Variants in MIB1 observed in about 807,000 individuals in gnomAD.
The protein encoded by MIB1 is E3 ubiquitin-protein ligase MIB1.
In MIB1, 278 loss-of-function variants were observed where a neutral mutation model predicts 124.5. That is an observed-to-expected ratio of 2.23 (90% CI 2.02 to 2.47). The LOEUF is 2.47. MIB1 is among the 30% of genes most tolerant of loss of function. The pLI, the probability that MIB1 is intolerant of heterozygous loss-of-function variation, is 0.00. For synonymous variants in MIB1, 446 were observed against 429.4 expected (o/e 1.04, Z -0.48); for missense variants, 957 against 1,254.4 (o/e 0.76, Z 3.58).
intron 10 of MIB1, among the ~76,000 whole-genome samples, chr18:21,814,727 C>A (rs2041809285): frequency 6.6e-6 from 1 of 151,804 alleles, no homozygotes. Flanking sequence ...GCATGTGCCA[C>A]CATGTCTGGC....
chr18:21,741,587 AG>A lies in MIB1; in HGVS notation c.5del (p.Ser2IlefsTer8). The A allele has an allele frequency of 6.6e-7, 1 of 1,509,692 alleles. No individual in the cohort carries two copies. The highest frequency in any genetic ancestry group is 8.8e-7 in the Non-Finnish European group (1 of 1,132,220). 93.5% of individuals were successfully genotyped at this position (1,509,692 alleles called of 1,614,324 possible). M[S>X]NSRNNRVMVE... ...GGAGCCCACCGCCCGGGCCCCGATG[AG>A]TAACTCCCGGAATAACCGGGTGATG... On this transcript the variant is annotated frameshift_variant, in exon 1 of 21. Transcript: ENST00000261537. LOFTEE classifies it high-confidence loss of function. The surrounding 1 kb of genome is among the most constrained non-coding windows in gnomAD (Gnocchi z 5.4).
chr18:21,864,211 A>G lies in MIB1; in HGVS notation c.2881-315A>G, dbSNP rs368234256. On this transcript the variant is annotated intron_variant, in intron 20 of 20. Transcript: ENST00000261537. ...CTGCAATCTCTGCTGCCCGCGTTCAAGTGATTCTCGCGCCTCAGCCTCTTG... is the reference window on the plus strand; with the variant it reads ...CTGCAATCTCTGCTGCCCGCGTTCAGGTGATTCTCGCGCCTCAGCCTCTTG... Among the ~76,000 whole-genome samples, 7 of 152,124 alleles carry G rather than the reference A, an allele frequency of 4.6e-5. No individual in the cohort carries two copies. In the South Asian group the frequency reaches 6.3e-4, roughly 14 times the overall value.
intron 10 of MIB1, among the ~76,000 whole-genome samples, chr18:21,811,128 G>A (rs533798837): frequency 5.9e-5 from 9 of 152,170 alleles, no homozygotes; most frequent in Non-Finnish European, 1.2e-4. Context: ...GATGTTTAAC[G>A]TCACTAATTA....
intron 1 of MIB1, among the ~76,000 whole-genome samples, chr18:21,707,805 A>G (rs1236031250): frequency 6.6e-6 from 1 of 152,216 alleles, no homozygotes; most frequent in African/African-American, 2.4e-5. Flanking sequence ...AAGTGAAAGT[A>G]TTATCGAATA....
chr18:21,767,146 A>G (rs2041170895), intron 2 of MIB1, among the ~76,000 whole-genome samples: 1 of 152,152 alleles, frequency 6.6e-6, no homozygotes, highest in South Asian at 2.1e-4. Context: ...ACATATATTA[A>G]TCCCTTTTCA....
Position 21,869,294 on chromosome 18 carries a change from A to G in MIB1, c.*4628A>G, listed in dbSNP as rs2042340424. The G allele has an allele frequency of 6.6e-6, 1 of 152,456 alleles. No homozygotes were observed. Among genetic ancestry groups the G allele is most frequent in the South Asian group, 2.1e-4 (1 of 4,826 alleles). The allele number at this position is 152,456 out of a possible 1,614,324, so 9.4% of individuals were successfully genotyped here. A position where few individuals can be genotyped will look rare whatever the true frequency, so the allele number is the denominator to read the frequency against. On this transcript the variant is annotated 3_prime_UTR_variant, in exon 21 of 21. Coordinates refer to ENST00000261537, the MANE Select transcript of MIB1 (RefSeq NM_020774.4). ...AAATGGTCCTGTAATTTTTAAAGTA[A>G]AATAAACGTGCCATTTTGTCTGCAA...
At chr18:21,823,249 G>T (rs2041895254) in intron 12 of MIB1, among the ~76,000 whole-genome samples, 1 of 123,602 alleles carries the variant, frequency 8.1e-6, no homozygotes, top group African/African-American at 3.0e-5. Flanking sequence ...AAAAAAAAAA[G>T]AATCAGCTGG....
At chr18:21,735,339 G>A (rs1239517501) in intron 1 of MIB1, among the ~76,000 whole-genome samples, 1 of 152,194 alleles carries the variant, frequency 6.6e-6, no homozygotes, top group Admixed American at 6.5e-5. Context: ...CTCCGGATCA[G>A]ATACTGTGCT....
At chr18:21,776,785 A>ACCAGCCTGG (rs2041293417) in intron 4 of MIB1, among the ~76,000 whole-genome samples, 1 of 152,060 alleles carries the variant, frequency 6.6e-6, no homozygotes, top group Non-Finnish European at 1.5e-5. Flanking sequence ...GGCGTTCGAG[A>ACCAGCCTGG]CCAGCCTGGC....
chr18:21,805,197 GAC>G (rs1332004325), intron 10 of MIB1, among the ~76,000 whole-genome samples: 2 of 151,978 alleles, frequency 1.3e-5, no homozygotes, highest in Non-Finnish European at 2.9e-5. Context: ...ATTTTTAGTA[GAC>G]ACAGGGTTTT....
Position 21,844,206 on chromosome 18 carries a change from CA to C in MIB1, c.2166del (p.Asp723MetfsTer16). ...TCAGCTACGTCAGCTCCAAGATATG[CA>C]AGATGTGGGGAAGGTGGATGCTGCC... ...LSQLRQLQDM[Q>X]DVGKVDAAWE... On this transcript the variant is annotated frameshift_variant, in exon 15 of 21. Transcript: ENST00000261537. LOFTEE classifies it high-confidence loss of function. 1 of 1,614,098 alleles carries C rather than the reference CA, an allele frequency of 6.2e-7. No homozygotes were observed. Among genetic ancestry groups the C allele is most frequent in the South Asian group, 1.1e-5 (1 of 91,074 alleles).
intron 12 of MIB1, chr18:21,830,789 C>T (rs2041971787): frequency 6.6e-6 from 1 of 152,176 alleles, no homozygotes; most frequent in Non-Finnish European, 1.5e-5. Flanking sequence ...GAACACAGAA[C>T]CTCACCTTTT....
At chr18:21,861,048 G>C (rs1598647549) in intron 20 of MIB1, among the ~76,000 whole-genome samples, 2 of 152,176 alleles carry the variant, frequency 1.3e-5, no homozygotes, top group South Asian at 4.2e-4. Flanking sequence ...CTTTGTAGGG[G>C]GTGGAGGGAA....
chr18:21,721,902 G>A (rs865959584), intron 1 of MIB1, among the ~76,000 whole-genome samples: 3 of 152,252 alleles, frequency 2.0e-5, no homozygotes, highest in African/African-American at 7.2e-5. Flanking sequence ...AACTAACACT[G>A]ATACATTACT....
chr18:21,739,846 C>T (rs561570159), upstream of MIB1, among the ~76,000 whole-genome samples: 1 of 151,004 alleles, frequency 6.6e-6, no homozygotes, highest in Non-Finnish European at 1.5e-5. Context: ...ACCCAGGAGG[C>T]GGAGGTTGCG....
Position 21,741,588 on chromosome 18 carries a change from G to A in MIB1, c.5G>A (p.Ser2Asn), listed in dbSNP as rs1253656913. Residue 2 changes from serine (S) to asparagine (N), a missense_variant, in exon 1 of 21, where the codon AGT (serine) becomes AAT (asparagine). Coordinates refer to ENST00000261537, the MANE Select transcript of MIB1 (RefSeq NM_020774.4). This position sits in a 1 kb window ranked among gnomAD's most constrained non-coding sequence, Gnocchi z 5.4. Reference sequence around the variant, plus strand: ...GAGCCCACCGCCCGGGCCCCGATGAGTAACTCCCGGAATAACCGGGTGATG... The same window carrying A: ...GAGCCCACCGCCCGGGCCCCGATGAATAACTCCCGGAATAACCGGGTGATG... The part of the protein sequence containing the change: M[S>N]NSRNNRVMVE... 2.0e-6 allele frequency: 3 copies of A among 1,521,550 alleles called. No homozygotes were observed. The highest frequency in any genetic ancestry group is 2.6e-5 in the East Asian group (1 of 37,838). The allele number at this position is 1,521,550 out of a possible 1,614,324, so 94.3% of individuals were successfully genotyped here. A position where few individuals can be genotyped will look rare whatever the true frequency, so the allele number is the denominator to read the frequency against.
intron 1 of MIB1, among the ~76,000 whole-genome samples, chr18:21,726,107 T>C (rs561154739): frequency 6.6e-6 from 1 of 152,146 alleles, no homozygotes; most frequent in African/African-American, 2.4e-5. Context: ...AGGCTGGGAA[T>C]GGGGGCTCAC....
chr18:21,758,053 T>A (rs1270506502), intron 1 of MIB1, among the ~76,000 whole-genome samples: 1 of 152,202 alleles, frequency 6.6e-6, no homozygotes, highest in African/African-American at 2.4e-5. Context: ...GTTGTGTGAC[T>A]TCAGGCAGGT....
At chr18:21,863,997 T>C (rs1259871128) in intron 20 of MIB1, among the ~76,000 whole-genome samples, 1 of 151,660 alleles carries the variant, frequency 6.6e-6, no homozygotes, top group Non-Finnish European at 1.5e-5. Context: ...AGAGTGAGAC[T>C]CCATCTCAAA....
Sources: gnomAD v4.1 joint callset for allele counts (sites outside exome capture counted in the v4.1 genomes callset) on GRCh38, gnomAD v4.1.1 for gene constraint, Gnocchi (gnomAD v3.1) non-coding constraint, MANE v1.5 for transcripts, NCBI Gene and HGNC (gene_info 2026-07-23, HGNC 2026-07-21) for gene names.